GPHN: variants seen among roughly 807,000 people sequenced by gnomAD.
The protein encoded by GPHN is gephyrin.
Under a neutral mutation model 95.5 loss-of-function variants are expected in GPHN, and 17 were observed. That is an observed-to-expected ratio of 0.18 (90% confidence interval 0.12 to 0.27). The LOEUF (loss-of-function observed/expected upper bound fraction) is 0.27, where lower values mean the gene tolerates loss of function less well. GPHN is among the 10% of genes least tolerant of loss of function. The pLI, the probability that GPHN is intolerant of heterozygous loss-of-function variation, is 1.00. For missense variants in GPHN, 660 were observed against 978.1 expected (o/e 0.67, Z 4.34); for synonymous variants, 320 against 322.5 (o/e 0.99, Z 0.08).
the GPHN span, among the ~76,000 whole-genome samples, chr14:67,252,227 T>G: frequency 1.3e-5 from 2 of 152,208 alleles, no homozygotes; most frequent in Admixed American, 1.3e-4. Context: ...TCTTGCTCTG[T>G]CACCCAGGCT....
the GPHN span, among the ~76,000 whole-genome samples, chr14:67,546,996 A>G: frequency 2.9e-3 from 447 of 152,280 alleles, 2 homozygotes; most frequent in African/African-American, 9.9e-3. Flanking sequence ...TAACCACCTT[A>G]TAAACACCAT....
chr14:66,765,270 G>GA (rs985372640), intron 2 of GPHN, among the ~76,000 whole-genome samples: 1 of 151,940 alleles, frequency 6.6e-6, no homozygotes, highest in Non-Finnish European at 1.5e-5. Flanking sequence ...ATATTTGAAA[G>GA]AAAAAAACAG....
Position 66,545,213 on chromosome 14 carries a change from C to A in GPHN, c.64+36622C>A, listed in dbSNP as rs1185669706. On this transcript the variant is annotated intron_variant, in intron 1 of 22. Coordinates refer to ENST00000478722, the MANE Select transcript of GPHN (RefSeq NM_020806.5). ...GCGGCTGGCCGGGCGGGGGGCTGAC[C>A]CCCCCACCTCCCTCCCGGACGGGGC... 2.9e-3 allele frequency among the ~76,000 whole-genome samples: 425 copies of A among 147,726 alleles called. 1 individual carries two copies. Among genetic ancestry groups the A allele is most frequent in the Non-Finnish European group, 4.5e-3 (300 of 66,460 alleles).
At chr14:66,697,886 G>T (rs2068217381) in intron 2 of GPHN, among the ~76,000 whole-genome samples, 1 of 151,692 alleles carries the variant, frequency 6.6e-6, no homozygotes, top group African/African-American at 2.4e-5. Context: ...GTAGAGAGAG[G>T]ATCTCTCCAT....
chr14:66,824,874 G>T (rs892491824), intron 4 of GPHN, among the ~76,000 whole-genome samples: 4 of 152,056 alleles, frequency 2.6e-5, no homozygotes, highest in Non-Finnish European at 5.9e-5. Context: ...GAATTCTGAT[G>T]GTTAGCATGG....
At chr14:66,756,086 G>A (rs2058545582) in intron 2 of GPHN, among the ~76,000 whole-genome samples, 1 of 152,076 alleles carries the variant, frequency 6.6e-6, no homozygotes, top group African/African-American at 2.4e-5. Context: ...AGGATATTGT[G>A]GGGCACATGG....
rs760948630 is a variant in GPHN, at chr14:66,668,138, C to T, written c.65-12969C>T. Among the ~76,000 whole-genome samples, 6 of 152,216 alleles carry T rather than the reference C, an allele frequency of 3.9e-5. 1 individual carries two copies. Among genetic ancestry groups the T allele is most frequent in the Middle Eastern group, 6.8e-3 (2 of 294 alleles). On this transcript the variant is annotated intron_variant, in intron 1 of 22. Coordinates refer to ENST00000478722, the MANE Select transcript of GPHN (RefSeq NM_020806.5). ...ATTAAAGAGCTGAAAAATAACAAGA[C>T]GCTTGTGAGGTTGTGGATAAAAGGA...
the GPHN span, among the ~76,000 whole-genome samples, chr14:67,259,948 C>T: frequency 0.031 from 4,615 of 151,208 alleles, 88 homozygotes; most frequent in Non-Finnish European, 0.036. Flanking sequence ...TCTACTTTAA[C>T]TTTCTGTTTA....
At chr14:67,152,575 A>G (rs1261725481) in intron 18 of GPHN, among the ~76,000 whole-genome samples, 1 of 152,258 alleles carries the variant, frequency 6.6e-6, no homozygotes, top group Non-Finnish European at 1.5e-5. Context: ...GAATGCTGAA[A>G]TAATTTGCTA....
At chr14:67,165,582 A>G (rs1164987030) in intron 20 of GPHN, among the ~76,000 whole-genome samples, 1 of 152,234 alleles carries the variant, frequency 6.6e-6, no homozygotes, top group Non-Finnish European at 1.5e-5. Context: ...TAGCAGCCGA[A>G]TACCTCTCAT....
chr14:67,280,859 C>G, the GPHN span, among the ~76,000 whole-genome samples: 2 of 129,216 alleles, frequency 1.5e-5, no homozygotes, highest in African/African-American at 5.9e-5. Flanking sequence ...TTCCTTCCCT[C>G]CCTCCCTCCC....
At chr14:67,159,331 T>C in intron 18 of GPHN, 84 bp from the exon 19 acceptor site, 4 of 847,812 alleles carry the variant, frequency 4.7e-6, no homozygotes, top group Non-Finnish European at 8.2e-6. Context: ...CATTTCAATC[T>C]TATTAATTTA....
the GPHN span, chr14:67,642,051 T>G: frequency 1.1e-6 from 1 of 879,754 alleles, no homozygotes; most frequent in Non-Finnish European, 1.7e-6. Context: ...CCCACAATCA[T>G]TTGACATTTT....
chr14:67,654,173 C>T, the GPHN span, among the ~76,000 whole-genome samples: 45 of 152,188 alleles, frequency 3.0e-4, no homozygotes, highest in African/African-American at 7.5e-4. Flanking sequence ...GTGCTGCAAT[C>T]GCAGCTCACT....
intron 5 of GPHN, among the ~76,000 whole-genome samples, chr14:66,892,744 T>C (rs1020964721): frequency 4.6e-5 from 7 of 152,174 alleles, no homozygotes; most frequent in African/African-American, 1.7e-4. Context: ...ACAGTGCTTA[T>C]GAGTGGATAG....
At chr14:67,575,136 G>T in the GPHN span, among the ~76,000 whole-genome samples, 1 of 152,112 alleles carries the variant, frequency 6.6e-6, no homozygotes, top group African/African-American at 2.4e-5. Flanking sequence ...TATGCCTGGA[G>T]GGGACATCTG....
the GPHN span, among the ~76,000 whole-genome samples, chr14:67,365,521 G>A: frequency 1.3e-5 from 2 of 152,162 alleles, no homozygotes; most frequent in Non-Finnish European, 2.9e-5. Flanking sequence ...TAATTAGAAT[G>A]TTTGCATCTA....
chr14:67,189,837 A>ATTTTTTTTTTTT, the GPHN span: 7 of 108,096 alleles, frequency 6.5e-5, no homozygotes, highest in East Asian at 2.6e-4. Context: ...ATTTTTTTTA[A>ATTTTTTTTTTTT]TTTTTTTTTT....
At chr14:67,332,771 T>C in the GPHN span, 1 of 1,600,408 alleles carries the variant, frequency 6.2e-7, no homozygotes, top group East Asian at 2.2e-5. Flanking sequence ...TTTTATCTTC[T>C]GTTTGCAGCC....
Sources: gnomAD v4.1 joint callset for allele counts (sites outside exome capture counted in the v4.1 genomes callset) on GRCh38, gnomAD v4.1.1 for gene constraint, MANE v1.5 for transcripts, NCBI Gene and HGNC (gene_info 2026-07-23, HGNC 2026-07-21) for gene names.